Variants in FGF14 observed in about 807,000 individuals in gnomAD.
The protein encoded by FGF14 is fibroblast growth factor 14, also known as fibroblast growth factor homologous factor 4.
In FGF14, 5 loss-of-function variants were observed where a neutral mutation model predicts 25.5. That is an observed-to-expected ratio of 0.20 (90% CI 0.10 to 0.41). The LOEUF (loss-of-function observed/expected upper bound fraction) is 0.41, where lower values mean the gene tolerates loss of function less well. FGF14 is among the 10% of genes least tolerant of loss of function. The pLI, the probability that FGF14 is intolerant of heterozygous loss-of-function variation, is 1.00. For missense variants in FGF14, 222 were observed against 320.1 expected (o/e 0.69, Z 2.34); for synonymous variants, 138 against 118.3 (o/e 1.17, Z -1.08).
intron 1 of FGF14, among the ~76,000 whole-genome samples, chr13:102,123,948 A>C (rs1040553058): frequency 3.9e-5 from 6 of 152,218 alleles, no homozygotes; most frequent in Non-Finnish European, 7.4e-5. Context: ...GCACTTCTCC[A>C]GAATGCAAAG....
intron 1 of FGF14, among the ~76,000 whole-genome samples, chr13:102,151,119 C>T (rs1333490863): frequency 6.6e-6 from 1 of 152,126 alleles, no homozygotes; most frequent in Non-Finnish European, 1.5e-5. Flanking sequence ...GGAAGAAATG[C>T]TATTGGAAAA....
At chr13:101,977,548 C>T (rs2139586714) in intron 1 of FGF14, among the ~76,000 whole-genome samples, 1 of 152,184 alleles carries the variant, frequency 6.6e-6, no homozygotes, top group Middle Eastern at 3.4e-3. Flanking sequence ...ATTTTCCTCC[C>T]TACTCCTCCT....
At chr13:101,945,111 G>A (rs1186217703) in intron 1 of FGF14, among the ~76,000 whole-genome samples, 4 of 152,184 alleles carry the variant, frequency 2.6e-5, no homozygotes, top group Non-Finnish European at 5.9e-5. Context: ...CTGAGGTCAG[G>A]TGTTCGAGAC....
At chr13:101,923,575 G>T (rs546486752) in intron 1 of FGF14, among the ~76,000 whole-genome samples, 10 of 152,134 alleles carry the variant, frequency 6.6e-5, no homozygotes, top group African/African-American at 2.2e-4. Flanking sequence ...TTAAGTTCAA[G>T]ATCACATTTT....
At chr13:101,919,202 C>T (rs1019811283), upstream of FGF14, among the ~76,000 whole-genome samples, 3 of 152,102 alleles carry the variant, frequency 2.0e-5, no homozygotes, top group Non-Finnish European at 2.9e-5. Context: ...AGTCACTACT[C>T]TTGGTTTCTA....
At chr13:102,133,521 CATA>C (rs926523982) in intron 1 of FGF14, among the ~76,000 whole-genome samples, 59 of 152,150 alleles carry the variant, frequency 3.9e-4, no homozygotes, top group African/African-American at 1.3e-3. Flanking sequence ...TTCTATAGAG[CATA>C]ATATGTAAAG....
At chr13:101,745,688 A>T (rs2036839651) in intron 3 of FGF14, among the ~76,000 whole-genome samples, 2 of 152,234 alleles carry the variant, frequency 1.3e-5, no homozygotes, top group Non-Finnish European at 2.9e-5. Flanking sequence ...ATGGCTTGAT[A>T]GCTCATTAGT....
intron 3 of FGF14, among the ~76,000 whole-genome samples, chr13:101,776,217 G>C (rs954321109): frequency 6.6e-6 from 1 of 152,114 alleles, no homozygotes; most frequent in Admixed American, 6.6e-5. Flanking sequence ...GTGAAAGCTG[G>C]TTATTTAACT....
At chr13:102,017,678 C>T (rs1159236448) in intron 1 of FGF14, among the ~76,000 whole-genome samples, 1 of 152,122 alleles carries the variant, frequency 6.6e-6, no homozygotes, top group Non-Finnish European at 1.5e-5. Context: ...GCAAAGTTTT[C>T]ATCAATTATT....
intron 1 of FGF14, among the ~76,000 whole-genome samples, chr13:102,235,505 C>T (rs2051287579): frequency 1.3e-5 from 2 of 152,128 alleles, no homozygotes; most frequent in African/African-American, 4.8e-5. Flanking sequence ...GTAACAAAAT[C>T]CTTAGCTGAT....
chr13:102,333,616 G>C (rs183184104), intron 1 of FGF14, among the ~76,000 whole-genome samples: 2 of 152,192 alleles, frequency 1.3e-5, no homozygotes, highest in African/African-American at 4.8e-5. Context: ...ATGATTTCTT[G>C]TGTTCTGATG....
chr13:102,281,367 T>C (rs2053824292), intron 1 of FGF14, among the ~76,000 whole-genome samples: 1 of 152,108 alleles, frequency 6.6e-6, no homozygotes, highest in Non-Finnish European at 1.5e-5. Context: ...CCCTGAAAAC[T>C]CTATTCATCA....
intron 1 of FGF14, among the ~76,000 whole-genome samples, chr13:101,969,107 T>C (rs2037428855): frequency 6.6e-6 from 1 of 152,162 alleles, no homozygotes; most frequent in Non-Finnish European, 1.5e-5. Context: ...CTCCATGCCT[T>C]GGAGTCATGC....
intron 3 of FGF14, among the ~76,000 whole-genome samples, chr13:101,827,308 A>G (rs1024574067): frequency 5.9e-5 from 9 of 152,000 alleles, no homozygotes; most frequent in African/African-American, 2.2e-4. Flanking sequence ...GTTATTGACA[A>G]AATAGTTACC....
At chr13:102,244,921 G>A (rs532453682) in intron 1 of FGF14, among the ~76,000 whole-genome samples, 27 of 152,110 alleles carry the variant, frequency 1.8e-4, no homozygotes, top group African/African-American at 5.5e-4. Context: ...CACAATAGTA[G>A]CCTTTCAATA....
chr13:102,392,299 C>T (rs545697801), intron 1 of FGF14, among the ~76,000 whole-genome samples: 2 of 152,310 alleles, frequency 1.3e-5, no homozygotes, highest in Admixed American at 6.5e-5. Flanking sequence ...AATCTGAAAA[C>T]TTGGCTTTTA....
chr13:102,188,643 A>C (rs1308544116), intron 1 of FGF14, among the ~76,000 whole-genome samples: 1 of 152,104 alleles, frequency 6.6e-6, no homozygotes, highest in Admixed American at 6.6e-5. Context: ...AAATAGCATA[A>C]GAAAATGAAC....
At chr13:101,856,988 G>A (rs181928758) in intron 3 of FGF14, among the ~76,000 whole-genome samples, 140 of 152,064 alleles carry the variant, frequency 9.2e-4, no homozygotes, top group African/African-American at 3.3e-3. Context: ...GAGTTCATTG[G>A]AGATGTTTAC....
At chr13:102,066,365 G>A (rs1482156842) in intron 1 of FGF14, among the ~76,000 whole-genome samples, 1 of 152,114 alleles carries the variant, frequency 6.6e-6, no homozygotes, top group Non-Finnish European at 1.5e-5. Flanking sequence ...CATCTAATTT[G>A]CATCAGGTTC....
Sources: allele counts gnomAD v4.1 joint callset (sites outside exome capture counted in the v4.1 genomes callset), GRCh38; gene constraint gnomAD v4.1.1; transcripts MANE v1.5; gene names NCBI Gene and HGNC (gene_info 2026-07-23, HGNC 2026-07-21).